The following MST1R variants were observed in gnomAD, a reference collection of about 807,000 sequenced individuals.
MST1R encodes the protein macrophage stimulating 1 receptor, also known as macrophage-stimulating protein receptor.
In MST1R, 99 loss-of-function variants were observed where a neutral mutation model predicts 117.8. The observed-to-expected ratio is 0.84, with a 90% CI of 0.71 to 0.99. MST1R has a LOEUF of 0.99. Ranked by LOEUF, MST1R falls within the 50% of genes least tolerant of loss-of-function variation. The pLI, the probability that MST1R is intolerant of heterozygous loss-of-function variation, is 0.00. For missense variants in MST1R, 1,683 were observed against 1,840.2 expected (o/e 0.91, Z 1.56); for synonymous variants, 734 against 765.3 (o/e 0.96, Z 0.68).
At position 49,890,511 on chromosome 3, in the gene MST1R, AG is replaced by A. The variant is rs773030814; in HGVS notation, c.3783del (p.Tyr1262IlefsTer20). 3.7e-6 allele frequency: 6 copies of A among 1,613,736 alleles called. No individual in the cohort carries two copies. In the African/African-American group the frequency reaches 8.0e-5, roughly 22 times the overall value. ...ACATCAGACTTGGTGGTAAATCTAT[AG>A]GTCTGCAGGCTCTCCAGCGCCATCC... ...VKWMALESLQTYRFTTKSDVW... is the reference protein window; with the variant it reads ...VKWMALESLQXYRFTTKSDVW... On this transcript the variant is annotated frameshift_variant, in exon 18 of 20. Coordinates refer to ENST00000296474, the MANE Select transcript of MST1R (RefSeq NM_002447.4). LOFTEE classifies it high-confidence loss of function.
In MST1R at chr3:49,895,241, A is replaced by G. The variant is rs1236002843; in HGVS notation, c.3197T>C (p.Leu1066Pro). Residue 1066 changes from leucine to proline, a missense_variant, in exon 14 of 20, where the codon CTC becomes CCC. Leu to Pro is a moderately conservative substitution (Grantham distance 98, BLOSUM62 -3). Coordinates refer to ENST00000296474, the MANE Select transcript of MST1R (RefSeq NM_002447.4). ...SIQLRDLDSA[L>P]LAEVKDVLIP... The stretch of plus-strand genomic sequence containing the variant: ...CAGCACATCCTTGACCTCAGCCAAG[A>G]GCGCAGAGTCCAGGTCCCTTAGCTG... 6.2e-7 allele frequency: 1 copy of G among 1,614,104 alleles called. No individual in the cohort carries two copies. The highest frequency in any genetic ancestry group is 1.3e-5 in the African/African-American group (1 of 74,932).
At chr3:49,891,065 G>A in intron 17 of MST1R, 132 bp downstream of exon 17, 1 of 821,866 alleles carries the variant, frequency 1.2e-6, no homozygotes, top group Admixed American at 2.3e-5. Context: ...GTCTGCACTG[G>A]GCAGACAAAA....
intron 13 of MST1R, 23 bp from the exon 14 acceptor site, chr3:49,895,396 G>A (rs767509189): frequency 2.5e-6 from 4 of 1,614,202 alleles, no homozygotes; most frequent in Middle Eastern, 1.6e-4. Flanking sequence ...GGAATGAGGA[G>A]CTTGTAGGGA....
Position 49,900,586 on chromosome 3 carries a change from C to T in MST1R, c.1231-1323G>A, listed in dbSNP as rs565633271. 2.6e-5 allele frequency among the ~76,000 whole-genome samples: 4 copies of T among 152,122 alleles called. No homozygotes were observed. The East Asian group carries it at 7.8e-4, about 30-fold the overall frequency. On this transcript the variant is annotated intron_variant, in intron 1 of 19. Transcript: ENST00000296474. ...AGCTGAGCCTCGAAACCCCATACAC[C>T]TTGTGCCTACAGCTTGGGGTGGGTG...
rs2082291003 is a variant in MST1R, at chr3:49,890,781, AGTGGCGC to A, written c.3645-138_3645-132del. 2.2e-5 allele frequency: 19 copies of A among 867,004 alleles called. No individual in the cohort carries two copies. In the South Asian group the frequency reaches 3.7e-4, roughly 17 times the overall value. The allele number at this position is 867,004 out of a possible 1,614,324, so 53.7% of individuals were successfully genotyped here. On this transcript the variant is annotated intron_variant, in intron 17 of 19. Coordinates refer to ENST00000296474, the MANE Select transcript of MST1R (RefSeq NM_002447.4). Reference sequence around the variant, plus strand: ...CGCTCTGTCACCCAGGCTGGAGTGCAGTGGCGCGATCTCCGCTCACTGCAAGCTCTGC... The same window carrying A: ...CGCTCTGTCACCCAGGCTGGAGTGCAGATCTCCGCTCACTGCAAGCTCTGC...
chr3:49,894,529 T>C (rs907152032), intron 14 of MST1R, among the ~76,000 whole-genome samples: 1 of 151,940 alleles, frequency 6.6e-6, no homozygotes, highest in Non-Finnish European at 1.5e-5. Context: ...GATTGTGCCA[T>C]TGCACTCCAG....
chr3:49,898,220 G>A lies in MST1R; in HGVS notation c.1720-9C>T, dbSNP rs1281696758. 1 of 1,613,344 alleles carries A rather than the reference G, an allele frequency of 6.2e-7. No homozygotes were observed. The highest frequency in any genetic ancestry group is 1.3e-5 in the African/African-American group (1 of 74,892). On this transcript the variant is annotated splice_polypyrimidine_tract_variant and intron_variant, in intron 4 of 19. Transcript: ENST00000296474. ...CCACTGTGGGGGTGGAACTGAAATG[G>A]GGGAAACAGCCTGAGTCCTCATGTG...
chr3:49,889,601 G>A (rs895411786), intron 19 of MST1R, among the ~76,000 whole-genome samples: 4 of 152,126 alleles, frequency 2.6e-5, no homozygotes, highest in Non-Finnish European at 5.9e-5. Flanking sequence ...ATCTTTCCTC[G>A]AGATTAAATG....
At position 49,903,541 on chromosome 3, in the gene MST1R, C is replaced by T. The variant is rs772499456; in HGVS notation, c.69G>A (p.Ala23=). ...LLLLLPAKPA[A]GEDWQCPRTP... ...TGCGCGGGCACTGCCAGTCCTCGCC[C>T]GCCGCGGGCTTGGCAGGCAACAGCA... is the stretch of plus-strand genomic sequence containing the variant. Residue 23 remains alanine, a synonymous_variant, in exon 1 of 20, where the codon GCG becomes GCA. Transcript: ENST00000296474. 1 of 1,600,376 alleles carries T rather than the reference C, an allele frequency of 6.2e-7. No homozygotes were observed.
chr3:49,900,072 T>C (rs7615206), intron 1 of MST1R, among the ~76,000 whole-genome samples: 51,905 of 152,024 alleles, frequency 0.34, 9,450 homozygotes, highest in Non-Finnish European at 0.42. Context: ...TTTCCCCACT[T>C]GCATAAGGGG....
rs2108437106 is a variant in MST1R, at chr3:49,895,791, C to G, written c.2886G>C (p.Leu962=). 6.2e-7 allele frequency: 1 copy of G among 1,613,932 alleles called. No homozygotes were observed. The highest frequency in any genetic ancestry group is 1.3e-5 in the African/African-American group (1 of 75,018). The part of the protein sequence containing the change: ...GVPQSTLLGI[L]LPLLLLVAAL... ...CAGCCACAAGCAGCAGCAAAGGCAGCAGGATACCAAGGAGCGTGCTCTGTG... is the reference window on the plus strand; with the variant it reads ...CAGCCACAAGCAGCAGCAAAGGCAGGAGGATACCAAGGAGCGTGCTCTGTG... Residue 962 remains leucine, a synonymous_variant, in exon 12 of 20, where the codon CTG becomes CTC. Transcript: ENST00000296474.
rs768253279 is a variant in MST1R at position 49,898,488 on chromosome 3, C to G, written c.1719+30G>C. 3.1e-6 allele frequency: 5 copies of G among 1,609,216 alleles called. No homozygotes were observed. In the Admixed American group the frequency reaches 8.4e-5, roughly 27 times the overall value. On this transcript the variant is annotated intron_variant, in intron 4 of 19. Transcript: ENST00000296474. ...CACCCCAGGCCCAGCCTGTCCCACT[C>G]TTACCTGTGCCCTGCCAGGGAAGCC... is the stretch of plus-strand genomic sequence containing the variant.
rs1048940386 is a variant in MST1R, at chr3:49,890,692, C to T, written c.3645-42G>A. The T allele has an allele frequency of 1.0e-5, 16 of 1,569,142 alleles. No homozygotes were observed. In the Admixed American group the frequency reaches 2.3e-4, roughly 23 times the overall value. On this transcript the variant is annotated intron_variant, in intron 17 of 19. Transcript: ENST00000296474. ...GGATCACACTTAGGACTGGCCCTTACCAGGCCCTGAACCCACCTGTTCTAG... is the reference window on the plus strand; with the variant it reads ...GGATCACACTTAGGACTGGCCCTTATCAGGCCCTGAACCCACCTGTTCTAG...
intron 1 of MST1R, among the ~76,000 whole-genome samples, chr3:49,901,492 TA>T (rs200565761): frequency 5.4e-5 from 8 of 148,074 alleles, no homozygotes; most frequent in South Asian, 2.1e-4. Context: ...CAAATACAGT[TA>T]AAAAAAAAAG....
At position 49,903,196 on chromosome 3, in the gene MST1R, G is replaced by T; in HGVS notation, c.414C>A (p.Ser138Arg). 1 of 1,605,898 alleles carries T rather than the reference G, an allele frequency of 6.2e-7. No homozygotes were observed. ...ALPALVSCGS[S>R]LQGRCFLHDL... ...CATGCAGGAAGCAGCGGCCCTGCAG[G>T]CTGGAGCCACAACTGACCAGCGCAG... The change falls in exon 1 of 20, where the codon AGC becomes AGA. Residue 138 changes from serine to arginine, a missense_variant. Ser to Arg is a moderately radical substitution (Grantham distance 110). Transcript: ENST00000296474.
Position 49,902,843 on chromosome 3 carries a change from C to T in MST1R, c.767G>A (p.Gly256Glu), listed in dbSNP as rs748838073. The T allele has an allele frequency of 5.0e-6, 8 of 1,613,686 alleles. No homozygotes were observed. The highest frequency in any genetic ancestry group is 6.8e-6 in the Non-Finnish European group (8 of 1,180,048). ...SIEYVHSFHTGAFVYFLTVQP... is the reference protein window; with the variant it reads ...SIEYVHSFHTEAFVYFLTVQP... ...TACAGTCAGGAAGTATACGAAGGCTCCCGTGTGGAAGCTGTGCACGTATTC... is the reference window on the plus strand; with the variant it reads ...TACAGTCAGGAAGTATACGAAGGCTTCCGTGTGGAAGCTGTGCACGTATTC... The change falls in exon 1 of 20, where the codon GGA becomes GAA. Residue 256 changes from glycine to glutamate, a missense_variant. By Grantham distance (98) the Gly-to-Glu change is moderately conservative. Coordinates refer to ENST00000296474, the MANE Select transcript of MST1R (RefSeq NM_002447.4).
Position 49,891,787 on chromosome 3 carries a change from C to A in MST1R, c.3323G>T (p.Arg1108Leu), listed in dbSNP as rs147999292. The change falls in exon 15 of 20, where the codon CGA becomes CTA. Residue 1108 changes from arginine to leucine, a missense_variant. Transcript: ENST00000296474. Reference sequence around the variant, plus strand: ...TAGTGACTTGATGGCACATTGGATTCGATTCTGGGCCTGGTCTATGTATTC... The same window carrying A: ...TAGTGACTTGATGGCACATTGGATTAGATTCTGGGCCTGGTCTATGTATTC... ...HGEYIDQAQN[R>L]IQCAIKSLSR... 49 of 1,614,038 alleles carry A rather than the reference C, an allele frequency of 3.0e-5. No individual in the cohort carries two copies. The African/African-American group carries it at 6.0e-4, about 20-fold the overall frequency.
In MST1R at chr3:49,887,369, A is replaced by G. The variant is rs754447593; in HGVS notation, c.4141T>C (p.Ser1381Pro). The G allele has an allele frequency of 1.6e-5, 26 of 1,614,130 alleles. No homozygotes were observed. The highest frequency in any genetic ancestry group is 3.3e-5 in the Admixed American group (2 of 60,010). ...MNVRPEQPQFSPMPGNVRRPR... is the reference protein window; with the variant it reads ...MNVRPEQPQFPPMPGNVRRPR... ...CGGCGTACATTCCCTGGCATGGGTG[A>G]GAACTGCGGCTGTTCTGGACGCACA... is the stretch of plus-strand genomic sequence containing the variant. The change falls in exon 20 of 20, where the codon TCA becomes CCA. Residue 1381 changes from serine to proline, a missense_variant. Transcript: ENST00000296474.
chr3:49,887,923 C>A (rs1367149539), intron 19 of MST1R, among the ~76,000 whole-genome samples: 1 of 152,222 alleles, frequency 6.6e-6, no homozygotes, highest in Non-Finnish European at 1.5e-5. Context: ...AGGCACAAGG[C>A]CCAGCTCACG....
Sources: allele counts gnomAD v4.1 joint callset (sites outside exome capture counted in the v4.1 genomes callset), GRCh38; gene constraint gnomAD v4.1.1; transcripts MANE v1.5; gene names NCBI Gene and HGNC (gene_info 2026-07-23, HGNC 2026-07-21).